TBC1D1: variants seen among roughly 807,000 people sequenced by gnomAD.
TBC1D1 encodes the protein TBC1 domain family member 1.
A neutral mutation model predicts 125.6 loss-of-function variants in TBC1D1; 89 were observed. The ratio of observed to expected loss-of-function variants is 0.71; its 90% CI spans 0.60 to 0.85. TBC1D1 has a LOEUF of 0.85. TBC1D1 is among the 40% of genes least tolerant of loss of function. The probability of loss-of-function intolerance (pLI) is 0.00; values close to 1 mark genes in which losing one functional copy is unlikely to be tolerated. For missense variants in TBC1D1, 1,377 were observed against 1,469.2 expected (o/e 0.94, Z 1.03); for synonymous variants, 565 against 564.1 (o/e 1.00, Z -0.02).
intron 2 of TBC1D1, among the ~76,000 whole-genome samples, chr4:38,005,088 G>C (rs550352397): frequency 2.6e-5 from 4 of 152,220 alleles, no homozygotes; most frequent in African/African-American, 9.6e-5. Context: ...CATCTTCTTG[G>C]TTATGAAATG....
At chr4:37,931,539 G>A (rs1197986479) in intron 2 of TBC1D1, among the ~76,000 whole-genome samples, 1 of 151,792 alleles carries the variant, frequency 6.6e-6, no homozygotes, top group African/African-American at 2.4e-5. Flanking sequence ...GTACAGTGGT[G>A]CGATCTCAGC....
intron 2 of TBC1D1, among the ~76,000 whole-genome samples, chr4:38,010,812 C>G (rs964119119): frequency 6.6e-6 from 1 of 152,166 alleles, no homozygotes; most frequent in Admixed American, 6.5e-5. Flanking sequence ...CAACATGCCC[C>G]ATCTCAATTA....
At chr4:37,933,986 G>T (rs561801981) in intron 2 of TBC1D1, among the ~76,000 whole-genome samples, 1 of 152,320 alleles carries the variant, frequency 6.6e-6, no homozygotes, top group Admixed American at 6.5e-5. Flanking sequence ...GTTGTTGCAG[G>T]TTGAAAGTGA....
chr4:37,901,879 C>T, intron 1 of TBC1D1, 124 bp from the exon 2 acceptor site: 2 of 470,460 alleles, frequency 4.3e-6, no homozygotes, highest in South Asian at 3.8e-5. Context: ...GGCAGAGAAG[C>T]TTATTTGAAC....
At chr4:38,104,905 G>A (rs965736402) in intron 15 of TBC1D1, among the ~76,000 whole-genome samples, 6 of 151,908 alleles carry the variant, frequency 3.9e-5, no homozygotes, top group South Asian at 2.1e-4. Flanking sequence ...ACAGGTGCCC[G>A]CCACCATGCC....
chr4:38,057,657 A>AT (rs1751972089), intron 12 of TBC1D1, among the ~76,000 whole-genome samples: 2 of 152,268 alleles, frequency 1.3e-5, no homozygotes, highest in Admixed American at 1.3e-4. Flanking sequence ...GGAAGAATTA[A>AT]TATAATAATA....
chr4:38,095,554 A>C (rs1039888165), intron 13 of TBC1D1, among the ~76,000 whole-genome samples: 1 of 152,224 alleles, frequency 6.6e-6, no homozygotes, highest in Non-Finnish European at 1.5e-5. Flanking sequence ...GATGAAAAAA[A>C]TTGCATCAAG....
At chr4:38,083,624 T>C (rs577430401) in intron 12 of TBC1D1, among the ~76,000 whole-genome samples, 124 of 152,354 alleles carry the variant, frequency 8.1e-4, no homozygotes, top group East Asian at 9.6e-4. Flanking sequence ...CTAGTCAGTT[T>C]TATGCAGATT....
intron 18 of TBC1D1, among the ~76,000 whole-genome samples, chr4:38,131,015 A>T (rs1437237844): frequency 1.3e-5 from 2 of 152,140 alleles, no homozygotes. Flanking sequence ...TTCTCCTTTG[A>T]CCACCAGCCT....
intron 19 of TBC1D1, among the ~76,000 whole-genome samples, 178 bp from the exon 22 acceptor site, chr4:38,136,957 C>T (rs952970099): frequency 3.9e-5 from 6 of 152,212 alleles, no homozygotes; most frequent in South Asian, 4.1e-4. Context: ...GCCTGGCCAC[C>T]GACCTGCAAG....
chr4:37,927,426 T>G (rs1433485335), intron 2 of TBC1D1, among the ~76,000 whole-genome samples: 1 of 152,216 alleles, frequency 6.6e-6, no homozygotes, highest in Non-Finnish European at 1.5e-5. Flanking sequence ...TTTAAGGTAC[T>G]CCTGAAGAGT....
At chr4:38,073,045 TC>T (rs1345279161) in intron 12 of TBC1D1, among the ~76,000 whole-genome samples, 3 of 152,216 alleles carry the variant, frequency 2.0e-5, no homozygotes, top group African/African-American at 7.2e-5. Context: ...GCTTCCACCT[TC>T]CACCTTTTGG....
At chr4:38,109,435 T>C (rs191708827) in intron 15 of TBC1D1, among the ~76,000 whole-genome samples, 32 of 152,338 alleles carry the variant, frequency 2.1e-4, no homozygotes, top group Admixed American at 2.1e-3. Flanking sequence ...AGGTCTGGAA[T>C]CTTCCTGCCT....
chr4:38,002,241 A>G (rs1739222734), intron 2 of TBC1D1, among the ~76,000 whole-genome samples: 1 of 152,230 alleles, frequency 6.6e-6, no homozygotes, highest in African/African-American at 2.4e-5. Context: ...CATAAAAAAG[A>G]AAGGGTTAAA....
intron 17 of TBC1D1, among the ~76,000 whole-genome samples, chr4:38,122,859 T>C (rs1319883825): frequency 6.6e-6 from 1 of 152,254 alleles, no homozygotes; most frequent in African/African-American, 2.4e-5. Flanking sequence ...CCCAGTGCTA[T>C]GTCTTAATTT....
chr4:38,075,245 T>C (rs1395262880), intron 12 of TBC1D1, among the ~76,000 whole-genome samples: 1 of 152,266 alleles, frequency 6.6e-6, no homozygotes, highest in African/African-American at 2.4e-5. Flanking sequence ...TGTAAATTTA[T>C]GTCAGTGTAC....
Position 37,891,255 on chromosome 4 carries a change from A to T in TBC1D1, c.-187A>T, listed in dbSNP as rs919085648. 3.3e-5 allele frequency: 5 copies of T among 151,968 alleles called. No homozygotes were observed. Among genetic ancestry groups the T allele is most frequent in the Admixed American group, 1.3e-4 (2 of 15,232 alleles). 9.4% of individuals were successfully genotyped at this position (151,968 alleles called of 1,614,324 possible). A position where few individuals can be genotyped will look rare whatever the true frequency, so the allele number is the denominator to read the frequency against. Reference sequence around the variant, plus strand: ...GGAAGAGCGCAGCCAGCCGGGTGCGATGGACTCCCCGCCCGCCCAGGCCGT... The same window carrying T: ...GGAAGAGCGCAGCCAGCCGGGTGCGTTGGACTCCCCGCCCGCCCAGGCCGT... On this transcript the variant is annotated 5_prime_UTR_variant, in exon 1 of 20. The change abolishes an upstream ATG in the 5' untranslated region. Coordinates refer to ENST00000261439, the MANE Select transcript of TBC1D1 (RefSeq NM_015173.4).
At chr4:37,906,178 T>C (rs566217211) in intron 2 of TBC1D1, among the ~76,000 whole-genome samples, 23 of 151,976 alleles carry the variant, frequency 1.5e-4, no homozygotes, top group Non-Finnish European at 2.4e-4. Flanking sequence ...GACACAGTCT[T>C]GTTCTGTTGC....
chr4:37,953,962 T>G (rs1728400141), intron 2 of TBC1D1, among the ~76,000 whole-genome samples: 1 of 152,178 alleles, frequency 6.6e-6, no homozygotes, highest in Admixed American at 6.5e-5. Flanking sequence ...AAAATCAACA[T>G]TCCCATTGTA....
Sources: gnomAD v4.1 joint callset for allele counts (sites outside exome capture counted in the v4.1 genomes callset) on GRCh38, gnomAD v4.1.1 for gene constraint, MANE v1.5 for transcripts, NCBI Gene and HGNC (gene_info 2026-07-23, HGNC 2026-07-21) for gene names.